The following KDM2B variants were observed in gnomAD, a reference collection of about 807,000 sequenced individuals.
KDM2B encodes lysine demethylase 2B.
A neutral mutation model predicts 150.0 loss-of-function variants in KDM2B; 26 were observed. The observed-to-expected ratio is 0.17, with a 90% CI of 0.13 to 0.24. The LOEUF (loss-of-function observed/expected upper bound fraction) is 0.24. KDM2B is among the 10% of genes least tolerant of loss of function. The pLI, the probability that KDM2B is intolerant of heterozygous loss-of-function variation, is 1.00. For missense variants in KDM2B, 1,265 were observed against 1,816.9 expected, an observed-to-expected ratio of 0.70 and a Z score of 5.52; for synonymous variants, 734 against 729.5, an observed-to-expected ratio of 1.01 and a Z score of -0.10.
chr12:121,542,187 A>G (rs1888658141), intron 6 of KDM2B, among the ~76,000 whole-genome samples: 1 of 152,252 alleles, frequency 6.6e-6, no homozygotes, highest in Admixed American at 6.5e-5. Context: ...AGGACACTCA[A>G]GCAGACCTAT....
intron 4 of KDM2B, among the ~76,000 whole-genome samples, chr12:121,566,331 A>T (rs1354551746): frequency 6.6e-6 from 1 of 152,116 alleles, no homozygotes; most frequent in Non-Finnish European, 1.5e-5. Context: ...TACTCAAAAT[A>T]CAAAAATTGG....
rs1890144534 is a variant in KDM2B, at chr12:121,559,220, G to A, written c.398-9582C>T. ...GCGTATAGGCAAGAGGCCTGGGCAG[G>A]CCAAGTGACCGTCTTAGGAGCAGAA... On this transcript the variant is annotated intron_variant, in intron 4 of 22. Transcript: ENST00000377071. 2.0e-5 allele frequency among the ~76,000 whole-genome samples: 3 copies of A among 152,174 alleles called. 1 individual carries two copies. The highest frequency in any genetic ancestry group is 7.2e-5 in the African/African-American group (3 of 41,442).
At chr12:121,562,177 GAAAA>G (rs1158916476) in intron 4 of KDM2B, among the ~76,000 whole-genome samples, 2 of 147,746 alleles carry the variant, frequency 1.4e-5, no homozygotes, top group African/African-American at 2.5e-5. Flanking sequence ...CTGTCTTGGG[GAAAA>G]AAAAAACTTT....
At chr12:121,515,869 C>G (rs1016471064) in intron 9 of KDM2B, among the ~76,000 whole-genome samples, 9 of 152,154 alleles carry the variant, frequency 5.9e-5, no homozygotes, top group Non-Finnish European at 1.0e-4. Context: ...CTGGGGGATG[C>G]ACGGAGTGGG....
chr12:121,525,432 T>A (rs565673897), intron 8 of KDM2B, among the ~76,000 whole-genome samples: 7 of 152,060 alleles, frequency 4.6e-5, no homozygotes, highest in Middle Eastern at 3.4e-3. Context: ...TTACTAGAGA[T>A]GAGGTTTTAC....
chr12:121,499,022 G>A (rs1230408344), intron 11 of KDM2B, among the ~76,000 whole-genome samples: 21 of 151,764 alleles, frequency 1.4e-4, no homozygotes, highest in Non-Finnish European at 1.5e-5. Flanking sequence ...TGTTGCCCAG[G>A]TTGGTCTCAA....
In KDM2B at chr12:121,444,159, A is replaced by C; in HGVS notation, c.2304T>G (p.Ser768Arg). Residue 768 changes from serine (S) to arginine (R), a missense_variant, in exon 16 of 23, where the codon AGT (serine) becomes AGG (arginine). Around this residue, in one of 11 missense-constraint regions of KDM2B, gnomAD observed 418 missense variants for 402.4 expected, o/e 1.04. Transcript: ENST00000377071. ...KEGQEPAKRRSECEEAPRRRS... is the reference protein window; with the variant it reads ...KEGQEPAKRRRECEEAPRRRS... ...TGCGCCGGGGCGCCTCCTCACACTC[A>C]CTCCTCCGCTTGGCAGGTTCCTGCC... 1 of 1,611,084 alleles carries C rather than the reference A, an allele frequency of 6.2e-7. No homozygotes were observed.
At chr12:121,438,356 G>A (rs183257000) in intron 22 of KDM2B, among the ~76,000 whole-genome samples, 178 of 152,182 alleles carry the variant, frequency 1.2e-3, no homozygotes, top group African/African-American at 4.2e-3. Context: ...TGATTTGCAT[G>A]CACACACACA....
chr12:121,444,189 C>T lies in KDM2B; in HGVS notation c.2274G>A (p.Lys758=). Residue 758 remains lysine, a synonymous_variant, in exon 16 of 23, where the codon AAG becomes AAA. Coordinates refer to ENST00000377071, the MANE Select transcript of KDM2B (RefSeq NM_032590.5). ...LKEQKMNRDN[K]EGQEPAKRRS... is the part of the protein sequence containing the mutation. ...TCCGCTTGGCAGGTTCCTGCCCTTCCTTGTTGTCCCGGTTCATCTTCTGCT... is the reference window on the plus strand; with the variant it reads ...TCCGCTTGGCAGGTTCCTGCCCTTCTTTGTTGTCCCGGTTCATCTTCTGCT... The T allele has an allele frequency of 3.1e-6, 5 of 1,612,948 alleles. No homozygotes were observed. In the East Asian group the frequency reaches 8.9e-5, roughly 29 times the overall value.
chr12:121,438,977 C>G (rs1278187789), intron 22 of KDM2B, among the ~76,000 whole-genome samples: 1 of 152,176 alleles, frequency 6.6e-6, no homozygotes, highest in Non-Finnish European at 1.5e-5. Context: ...CTCTGTGTAC[C>G]TCGCTGCATA....
chr12:121,462,250 A>G (rs1364176096), intron 12 of KDM2B, among the ~76,000 whole-genome samples: 1 of 152,042 alleles, frequency 6.6e-6, no homozygotes, highest in Non-Finnish European at 1.5e-5. Flanking sequence ...GGATTTTACC[A>G]GAGTGTTGCA....
intron 1 of KDM2B, 36 bp downstream of exon 1, chr12:121,580,750 T>C (rs781974902): frequency 2.5e-6 from 4 of 1,599,694 alleles, no homozygotes. Context: ...GCTACCCCTC[T>C]TCCTCTTCTT....
chr12:121,514,606 G>A (rs1885875764), intron 9 of KDM2B, among the ~76,000 whole-genome samples: 1 of 151,580 alleles, frequency 6.6e-6, no homozygotes, highest in Non-Finnish European at 1.5e-5. Context: ...TTGCCAAGAG[G>A]GTGTCTGCGG....
the KDM2B span, among the ~76,000 whole-genome samples, chr12:121,420,980 C>T: frequency 3.9e-5 from 6 of 152,080 alleles, no homozygotes; most frequent in Admixed American, 3.3e-4. Context: ...GCTGCGAGAC[C>T]ACCACTGCCA....
chr12:121,568,866 TAA>T (rs56132369), intron 4 of KDM2B, among the ~76,000 whole-genome samples: 74,407 of 139,790 alleles, frequency 0.53, 21,134 homozygotes, highest in Middle Eastern at 0.66. Context: ...GCTTTTTTGT[TAA>T]AAAAAAAAAA....
At chr12:121,527,140 C>T (rs913641220) in intron 8 of KDM2B, among the ~76,000 whole-genome samples, 164 of 151,396 alleles carry the variant, frequency 1.1e-3, no homozygotes, top group Non-Finnish European at 1.8e-3. Flanking sequence ...CTCTGCCTCC[C>T]GGGTTCACAC....
chr12:121,556,324 C>T (rs1396151946), intron 4 of KDM2B, among the ~76,000 whole-genome samples: 1 of 151,770 alleles, frequency 6.6e-6, no homozygotes, highest in Non-Finnish European at 1.5e-5. Context: ...TGGGCTCAAG[C>T]GATCCTCCTA....
intron 12 of KDM2B, among the ~76,000 whole-genome samples, chr12:121,466,143 A>T (rs1246074912): frequency 6.6e-6 from 1 of 152,134 alleles, no homozygotes; most frequent in Non-Finnish European, 1.5e-5. Context: ...ATGAAAAAAA[A>T]AAAAAGTTAC....
At chr12:121,522,349 C>CT (rs1886764555) in intron 8 of KDM2B, among the ~76,000 whole-genome samples, 1 of 150,980 alleles carries the variant, frequency 6.6e-6, no homozygotes, top group African/African-American at 2.4e-5. Flanking sequence ...AACCCTGTCT[C>CT]TATTAAAAAT....
Sources: gnomAD v4.1 joint callset for allele counts (sites outside exome capture counted in the v4.1 genomes callset) on GRCh38, gnomAD v4.1.1 for gene constraint, gnomAD v4.1.1 regional missense constraint, MANE v1.5 for transcripts, NCBI Gene and HGNC (gene_info 2026-07-23, HGNC 2026-07-21) for gene names.